Variants in CREB5 observed in about 807,000 individuals in gnomAD.
CREB5 encodes cyclic AMP-responsive element-binding protein 5.
A neutral mutation model predicts 57.1 loss-of-function variants in CREB5; 19 were observed. That is an observed-to-expected ratio of 0.33 (90% CI 0.23 to 0.49). The LOEUF is 0.49. Ranked by LOEUF, CREB5 falls within the 20% of genes least tolerant of loss-of-function variation. The probability of loss-of-function intolerance (pLI) is 0.99; values close to 1 mark genes in which losing one functional copy is unlikely to be tolerated. For synonymous variants in CREB5, 238 were observed against 238.3 expected (o/e 1.00, Z 0.01); for missense variants, 579 against 671.6 (o/e 0.86, Z 1.52).
At chr7:28,633,451 G>A (rs1359151260) in intron 5 of CREB5, among the ~76,000 whole-genome samples, 2 of 152,034 alleles carry the variant, frequency 1.3e-5, no homozygotes, top group South Asian at 2.1e-4. Context: ...TAGAACTCTT[G>A]GGTTATCAAG....
chr7:28,751,472 A>G (rs906137943), intron 7 of CREB5, among the ~76,000 whole-genome samples: 3 of 152,230 alleles, frequency 2.0e-5, no homozygotes, highest in Non-Finnish European at 4.4e-5. Flanking sequence ...TTTTCCACTC[A>G]GTCGTTGAGT....
chr7:28,489,291 C>A (rs1250978394), intron 2 of CREB5, among the ~76,000 whole-genome samples: 1 of 129,058 alleles, frequency 7.7e-6, no homozygotes, highest in East Asian at 2.1e-4. Context: ...TCATTGAGGA[C>A]CCTTCTTTTT....
At chr7:28,361,775 C>T (rs1215012568) in intron 1 of CREB5, among the ~76,000 whole-genome samples, 1 of 152,154 alleles carries the variant, frequency 6.6e-6, no homozygotes, top group Non-Finnish European at 1.5e-5. Flanking sequence ...TGATCACTTG[C>T]CCACCAATGA....
intron 7 of CREB5, among the ~76,000 whole-genome samples, chr7:28,783,583 T>C (rs1455255391): frequency 3.3e-5 from 5 of 152,222 alleles, no homozygotes; most frequent in Non-Finnish European, 5.9e-5. Flanking sequence ...AATTTCAGAC[T>C]TTCCCTCCTT....
chr7:28,431,747 A>G (rs1788720491), intron 1 of CREB5, among the ~76,000 whole-genome samples: 2 of 152,116 alleles, frequency 1.3e-5, no homozygotes, highest in Admixed American at 6.6e-5. Flanking sequence ...AGAAAAAGAA[A>G]ATTTTAGGTA....
Position 28,741,851 on chromosome 7 carries a change from A to T in CREB5, c.702+17519A>T, listed in dbSNP as rs1804367916. On this transcript the variant is annotated intron_variant, in intron 7 of 10. Transcript: ENST00000357727. ...GGGAGGCCAATGCAGGTGGATCATG[A>T]GGTCAGGAGTTCGAGACCAGCCTGG... 2.4e-4 allele frequency among the ~76,000 whole-genome samples: 36 copies of T among 152,004 alleles called. 1 individual carries two copies. Among genetic ancestry groups the T allele is most frequent in the Admixed American group, 2.4e-3 (36 of 15,262 alleles).
chr7:28,550,891 C>A (rs1794611687), intron 4 of CREB5, among the ~76,000 whole-genome samples: 1 of 152,140 alleles, frequency 6.6e-6, no homozygotes, highest in Non-Finnish European at 1.5e-5. Flanking sequence ...GGAGTATCAC[C>A]CCGAGGCTTC....
chr7:28,397,081 C>T (rs909692884), intron 1 of CREB5, among the ~76,000 whole-genome samples: 2 of 152,048 alleles, frequency 1.3e-5, no homozygotes, highest in Non-Finnish European at 2.9e-5. Flanking sequence ...TATGTGGAAA[C>T]TGATTTCTCA....
At chr7:28,399,349 A>C (rs746622265) in intron 1 of CREB5, among the ~76,000 whole-genome samples, 1 of 152,010 alleles carries the variant, frequency 6.6e-6, no homozygotes, top group African/African-American at 2.4e-5. Flanking sequence ...AATCCTAAGC[A>C]AAAAGAACAA....
intron 4 of CREB5, among the ~76,000 whole-genome samples, chr7:28,530,856 G>A (rs555260442): frequency 6.6e-6 from 1 of 152,314 alleles, no homozygotes; most frequent in South Asian, 2.1e-4. Flanking sequence ...CAGAGGAAAG[G>A]GATAGTGGTG....
chr7:28,460,524 G>T (rs898901016), intron 1 of CREB5, among the ~76,000 whole-genome samples: 1 of 152,122 alleles, frequency 6.6e-6, no homozygotes, highest in Non-Finnish European at 1.5e-5. Flanking sequence ...TTTTAACTCC[G>T]GTGTTAGTAT....
intron 1 of CREB5, chr7:28,435,764 G>A: frequency 1.4e-6 from 1 of 723,044 alleles, no homozygotes; most frequent in Non-Finnish European, 1.7e-6. Flanking sequence ...TTGGCTGGAA[G>A]AAGATGCTCT....
intron 1 of CREB5, among the ~76,000 whole-genome samples, chr7:28,305,850 G>A (rs1000024544): frequency 6.6e-5 from 10 of 151,300 alleles, no homozygotes; most frequent in African/African-American, 2.2e-4. Context: ...AGTATATAAA[G>A]TTTGCCCAGA....
At chr7:28,495,992 G>T (rs1054904786) in intron 3 of CREB5, among the ~76,000 whole-genome samples, 1 of 151,024 alleles carries the variant, frequency 6.6e-6, no homozygotes, top group Non-Finnish European at 1.5e-5. Context: ...AGGGACAGGA[G>T]TGAGGAACCT....
At chr7:28,717,083 A>ATTTTTT (rs1583603548) in intron 5 of CREB5, among the ~76,000 whole-genome samples, 8 of 79,892 alleles carry the variant, frequency 1.0e-4, no homozygotes, top group Admixed American at 2.8e-4. Flanking sequence ...AAGGCTTTAT[A>ATTTTTT]TTCTTTTTTT....
chr7:28,407,928 T>C (rs554255461), upstream of CREB5, among the ~76,000 whole-genome samples: 16 of 152,348 alleles, frequency 1.1e-4, no homozygotes, highest in Admixed American at 9.1e-4. Flanking sequence ...ACTATATAAA[T>C]GTCAGATGTT....
intron 1 of CREB5, among the ~76,000 whole-genome samples, chr7:28,480,800 C>G (rs1269035816): frequency 6.6e-6 from 1 of 152,204 alleles, no homozygotes; most frequent in Non-Finnish European, 1.5e-5. Flanking sequence ...CATTCAGCGA[C>G]TTACTCAACA....
At chr7:28,761,753 T>C (rs988284688) in intron 7 of CREB5, among the ~76,000 whole-genome samples, 1 of 151,844 alleles carries the variant, frequency 6.6e-6, no homozygotes, top group Admixed American at 6.6e-5. Flanking sequence ...TGTGTGTGTA[T>C]CATTTGTTTT....
intron 2 of CREB5, among the ~76,000 whole-genome samples, chr7:28,489,864 A>G (rs1003418239): frequency 2.0e-5 from 3 of 152,206 alleles, no homozygotes; most frequent in African/African-American, 7.2e-5. Context: ...AAACACTAGG[A>G]AAAAAACAGA....
Sources: gnomAD v4.1 joint callset for allele counts (sites outside exome capture counted in the v4.1 genomes callset) on GRCh38, gnomAD v4.1.1 for gene constraint, MANE v1.5 for transcripts, NCBI Gene and HGNC (gene_info 2026-07-23, HGNC 2026-07-21) for gene names.